Variants in EPRS1 observed in about 807,000 individuals in gnomAD.
EPRS1 encodes bifunctional glutamate/proline--tRNA ligase.
EPRS1 carries 107 observed loss-of-function variants against 188.3 expected under a neutral mutation model. That is an observed-to-expected ratio of 0.57 (90% CI 0.49 to 0.67). The LOEUF is 0.67. Among genes scored for constraint, EPRS1 ranks in the 30% least tolerant of loss-of-function variants. The pLI is 0.00. For synonymous variants in EPRS1, 596 were observed against 593.1 expected (o/e 1.00, Z -0.07); for missense variants, 1,577 against 1,802.2 (o/e 0.88, Z 2.26).
chr1:219,997,553 T>C (rs555783067), intron 17 of EPRS1, among the ~76,000 whole-genome samples: 2 of 152,228 alleles, frequency 1.3e-5, no homozygotes, highest in African/African-American at 4.8e-5. Context: ...ACCTACATAC[T>C]CACTGAAGCA....
In EPRS1 at chr1:220,018,440, C is replaced by A. The variant is rs1422557315; in HGVS notation, c.1494+9G>T. On this transcript the variant is annotated intron_variant, in intron 12 of 31. Coordinates refer to ENST00000366923, the MANE Select transcript of EPRS1 (RefSeq NM_004446.3). ...ATGAGAAAAGAAGGCAGAGAGTTAACATACATACCTTTTTGTTAAACGCCC... is the reference window on the plus strand; with the variant it reads ...ATGAGAAAAGAAGGCAGAGAGTTAAAATACATACCTTTTTGTTAAACGCCC... 1 of 1,599,682 alleles carries A rather than the reference C, an allele frequency of 6.3e-7. No individual in the cohort carries two copies. The highest frequency in any genetic ancestry group is 8.6e-7 in the Non-Finnish European group (1 of 1,168,000).
rs1433642348 is a variant in EPRS1 at position 220,032,470 on chromosome 1, G to A, written c.445C>T (p.Arg149Cys). The A allele has an allele frequency of 8.1e-6, 13 of 1,613,662 alleles. No individual in the cohort carries two copies. Among genetic ancestry groups the A allele is most frequent in the Non-Finnish European group, 9.3e-6 (11 of 1,179,856 alleles). Reference protein sequence around the residue: ...KQKKAPVHVKRWFGFLEAQQA... With the variant: ...KQKKAPVHVKCWFGFLEAQQA... ...TGGGCTTCAAGAAAGCCAAACCAAC[G>A]TTTTACATGAACTGGAGCTTTCTTC... The change falls in exon 5 of 32, where the codon CGT (arginine) becomes TGT (cysteine). Residue 149 changes from arginine to cysteine, a missense_variant. Coordinates refer to ENST00000366923, the MANE Select transcript of EPRS1 (RefSeq NM_004446.3).
In EPRS1 at chr1:220,007,289, A is replaced by G. The variant is rs775311374; in HGVS notation, c.1655T>C (p.Ile552Thr). Residue 552 changes from isoleucine to threonine, a missense_variant, in exon 14 of 32, where the codon ATT (isoleucine) becomes ACT (threonine). Ile to Thr is a moderately conservative substitution (Grantham distance 89). Transcript: ENST00000366923. Reference sequence around the variant, plus strand: ...AAAAGTCTCTGCATCAGCACCTTCAATGAAAACTTTGGGACTATACCACAC... The same window carrying G: ...AAAAGTCTCTGCATCAGCACCTTCAGTGAAAACTTTGGGACTATACCACAC... ...KPVWYSPKVF[I>T]EGADAETFSE... 1.1e-5 allele frequency: 18 copies of G among 1,613,868 alleles called. No individual in the cohort carries two copies. In the Admixed American group the frequency reaches 1.2e-4, roughly 10 times the overall value.
chr1:219,969,465 C>T (rs1390270545), intron 30 of EPRS1, among the ~76,000 whole-genome samples: 1 of 152,126 alleles, frequency 6.6e-6, no homozygotes, highest in African/African-American at 2.4e-5. Flanking sequence ...CTGGACTACA[C>T]CTGCTCTACC....
At position 219,997,121 on chromosome 1, in the gene EPRS1, A is replaced by G; in HGVS notation, c.2403T>C (p.Pro801=). ...GTCCTATTTCAGCAGGAGGGTTTCC[A>G]GGTTTATATTCCTGGCCAGTTTTCT... ...YKEKTGQEYK[P]GNPPAEIGQN... The change falls in exon 18 of 32, where the codon CCT becomes CCC. Residue 801 remains proline, a synonymous_variant. Transcript: ENST00000366923. The G allele has an allele frequency of 1.2e-6, 2 of 1,614,122 alleles. No homozygotes were observed. The highest frequency in any genetic ancestry group is 1.7e-6 in the Non-Finnish European group (2 of 1,179,994).
intron 28 of EPRS1, among the ~76,000 whole-genome samples, chr1:219,975,856 A>C (rs1488486978): frequency 2.6e-5 from 3 of 117,188 alleles, no homozygotes; most frequent in African/African-American, 9.2e-5. Flanking sequence ...GTGTGTATGG[A>C]TATCTACATA....
chr1:220,046,450 C>A lies in EPRS1; in HGVS notation c.-62G>T, dbSNP rs1571705255. 2 of 1,604,756 alleles carry A rather than the reference C, an allele frequency of 1.2e-6. No individual in the cohort carries two copies. The highest frequency in any genetic ancestry group is 1.7e-6 in the Non-Finnish European group (2 of 1,176,324). ...GGCTCGTGCCAGAACTACGGAGGAC[C>A]CCGCGAAAGGAAGAAGATGCAACGT... On this transcript the variant is annotated 5_prime_UTR_variant, in exon 1 of 32. Transcript: ENST00000366923.
chr1:219,983,332 C>A lies in EPRS1; in HGVS notation c.3157G>T (p.Ala1053Ser). ...TTGATGGCTTCCCAAATGGCATAGG[C>A]CCAGGGACGAAGAATATAACAGCCA... is the stretch of plus-strand genomic sequence containing the variant. ...ISGCYILRPW[A>S]YAIWEAIKDF... The change falls in exon 22 of 32, where the codon GCC becomes TCC. Residue 1053 changes from alanine to serine, a missense_variant. Transcript: ENST00000366923. 1.2e-6 allele frequency: 2 copies of A among 1,613,934 alleles called. No homozygotes were observed. The highest frequency in any genetic ancestry group is 1.1e-5 in the South Asian group (1 of 91,072).
chr1:220,040,236 TC>T lies in EPRS1; in HGVS notation c.79del (p.Asp27MetfsTer20), dbSNP rs764053443. 3 of 1,610,522 alleles carry T rather than the reference TC, an allele frequency of 1.9e-6. No individual in the cohort carries two copies. In the South Asian group the frequency reaches 3.3e-5, roughly 18 times the overall value. On this transcript the variant is annotated frameshift_variant, in exon 2 of 32. Transcript: ENST00000366923. LOFTEE classifies it high-confidence loss of function. ...CCCTTCTTCAACGGAAATGCTGACA[TC>T]GTCTTTCACGTGTTCTACTGCCAGC... ...ALLAVEHVKD[D>X]VSISVEEGKE...
rs1325932494 is a variant in EPRS1, at chr1:219,970,710, A to G, written c.4323+1359T>C. Reference sequence around the variant, plus strand: ...GGAGAATCGCTTGAACTCGGGAGGCAGAGGTTGCAGTGAGCCGAGATCACG... The same window carrying G: ...GGAGAATCGCTTGAACTCGGGAGGCGGAGGTTGCAGTGAGCCGAGATCACG... On this transcript the variant is annotated intron_variant, in intron 30 of 31. Coordinates refer to ENST00000366923, the MANE Select transcript of EPRS1 (RefSeq NM_004446.3). 4.6e-5 allele frequency among the ~76,000 whole-genome samples: 7 copies of G among 151,314 alleles called. No individual in the cohort carries two copies. The East Asian group carries it at 1.4e-3, about 30-fold the overall frequency.
chr1:220,005,688 G>A (rs1192733832), intron 15 of EPRS1, among the ~76,000 whole-genome samples: 2 of 152,136 alleles, frequency 1.3e-5, no homozygotes, highest in African/African-American at 4.8e-5. Flanking sequence ...GCATGCTGGC[G>A]TAAGGCTTAA....
chr1:220,030,423 C>T lies in EPRS1; in HGVS notation c.586G>A (p.Gly196Arg), dbSNP rs200442744. Residue 196 changes from glycine (G) to arginine (R), a missense_variant, in exon 6 of 32, where the codon GGA (glycine) becomes AGA (arginine). Gly to Arg is a moderately radical substitution (Grantham distance 125). Coordinates refer to ENST00000366923, the MANE Select transcript of EPRS1 (RefSeq NM_004446.3). ...GGAGGAAATCTGACGGTAACCTTTC[C>T]CATCTCCGCACCTGGAAGCTCAACA... ...KFVELPGAEM[G>R]KVTVRFPPEA... is the part of the protein sequence containing the mutation. 1 of 1,614,094 alleles carries T rather than the reference C, an allele frequency of 6.2e-7. No homozygotes were observed. The highest frequency in any genetic ancestry group is 8.5e-7 in the Non-Finnish European group (1 of 1,179,960).
intron 12 of EPRS1, among the ~76,000 whole-genome samples, chr1:220,014,082 C>T (rs972592113): frequency 1.3e-5 from 2 of 152,202 alleles, no homozygotes; most frequent in Non-Finnish European, 2.9e-5. Flanking sequence ...AATCCCAGCA[C>T]TTTGGTAGGC....
chr1:220,007,688 C>G (rs890053104), intron 13 of EPRS1, among the ~76,000 whole-genome samples: 2 of 152,186 alleles, frequency 1.3e-5, no homozygotes, highest in African/African-American at 4.8e-5. Context: ...TTCCAGCCTA[C>G]AAGACTCATT....
At chr1:220,010,141 C>G (rs1482835807) in intron 13 of EPRS1, among the ~76,000 whole-genome samples, 1 of 150,982 alleles carries the variant, frequency 6.6e-6, no homozygotes, top group East Asian at 1.9e-4. Context: ...ATGGACCCTT[C>G]ACTTATACTT....
intron 9 of EPRS1, among the ~76,000 whole-genome samples, chr1:220,021,565 T>C (rs537502784): frequency 2.0e-5 from 3 of 152,348 alleles, no homozygotes; most frequent in Admixed American, 2.0e-4. Context: ...TTGCAATTAT[T>C]TGACACTGAA....
In EPRS1 at chr1:219,981,494, G is replaced by A. The variant is rs779630280; in HGVS notation, c.3374-37C>T. The A allele has an allele frequency of 6.6e-6, 9 of 1,362,808 alleles. No homozygotes were observed. The African/African-American group carries it at 1.3e-4, about 20-fold the overall frequency. 84.4% of individuals were successfully genotyped at this position (1,362,808 alleles called of 1,614,324 possible). A position where few individuals can be genotyped will look rare whatever the true frequency, so the allele number is the denominator to read the frequency against. On this transcript the variant is annotated intron_variant, in intron 23 of 31. Transcript: ENST00000366923. ...GGGAAAATAGAGACAGTCATTTAAG[G>A]CTTTATTTCTCCTTTAGGGATGTAA...
chr1:220,025,302 A>C (rs762265557), intron 6 of EPRS1, 44 bp from the exon 7 acceptor site: 1 of 1,482,120 alleles, frequency 6.7e-7, no homozygotes, highest in South Asian at 1.3e-5. Context: ...AACATGTTTT[A>C]ACTAAATACT....
At chr1:219,971,082 A>G (rs564405965) in intron 30 of EPRS1, among the ~76,000 whole-genome samples, 2 of 152,272 alleles carry the variant, frequency 1.3e-5, no homozygotes, top group African/African-American at 4.8e-5. Flanking sequence ...ACAAAAAAAG[A>G]TACAGAGGAA....
Sources: allele counts gnomAD v4.1 joint callset (sites outside exome capture counted in the v4.1 genomes callset), GRCh38; gene constraint gnomAD v4.1.1; transcripts MANE v1.5; gene names NCBI Gene and HGNC (gene_info 2026-07-23, HGNC 2026-07-21).